The following EPHA3 variants were observed in gnomAD, a reference collection of about 807,000 sequenced individuals.
The protein encoded by EPHA3 is ephrin type-A receptor 3.
In EPHA3, 42 loss-of-function variants were observed where a neutral mutation model predicts 107.1. The ratio of observed to expected loss-of-function variants is 0.39; its 90% CI spans 0.31 to 0.51. The LOEUF (loss-of-function observed/expected upper bound fraction) is 0.51. Ranked by LOEUF, EPHA3 falls within the 20% of genes least tolerant of loss-of-function variation. The probability of loss-of-function intolerance (pLI) is 0.78; values close to 1 mark genes in which losing one functional copy is unlikely to be tolerated. For missense variants in EPHA3, 1,183 were observed against 1,211.2 expected (o/e 0.98, Z 0.35); for synonymous variants, 461 against 424.8 (o/e 1.09, Z -1.05).
chr3:89,343,399 T>C (rs1005057912), intron 5 of EPHA3, among the ~76,000 whole-genome samples: 4 of 152,206 alleles, frequency 2.6e-5, no homozygotes, highest in African/African-American at 9.7e-5. Context: ...GAAATGCCTC[T>C]CTACTGGTTA....
intron 2 of EPHA3, among the ~76,000 whole-genome samples, chr3:89,134,666 C>T (rs538040899): frequency 9.9e-5 from 15 of 152,000 alleles, no homozygotes; most frequent in South Asian, 2.1e-4. Flanking sequence ...TGAATAGTGC[C>T]GCAGCTTTCA....
intron 2 of EPHA3, among the ~76,000 whole-genome samples, chr3:89,190,455 A>C (rs910339387): frequency 9.2e-5 from 14 of 152,192 alleles, no homozygotes; most frequent in African/African-American, 3.4e-4. Flanking sequence ...TAAACATTTA[A>C]ATTTTGTATA....
intron 10 of EPHA3, among the ~76,000 whole-genome samples, chr3:89,418,370 T>C (rs1576368108): frequency 6.6e-6 from 1 of 151,336 alleles, no homozygotes; most frequent in Admixed American, 6.6e-5. Context: ...ATGTAAAGGG[T>C]ATCTGCTCTA....
At position 89,107,674 on chromosome 3, in the gene EPHA3, T is replaced by A; in HGVS notation, c.-75T>A. 1 of 1,362,774 alleles carries A rather than the reference T, an allele frequency of 7.3e-7. No homozygotes were observed. The highest frequency in any genetic ancestry group is 1.0e-6 in the Non-Finnish European group (1 of 958,562). The allele number at this position is 1,362,774 out of a possible 1,614,324, so 84.4% of individuals were successfully genotyped here. A position where few individuals can be genotyped will look rare whatever the true frequency, so the allele number is the denominator to read the frequency against. On this transcript the variant is annotated 5_prime_UTR_variant, in exon 1 of 17. Transcript: ENST00000336596. The stretch of plus-strand genomic sequence containing the variant: ...CGGAGCATGGTAACTTCTCCAGCAA[T>A]CAGAGCGCTCCCCCTCACATCAGTG...
At chr3:89,385,378 A>C (rs1193712644) in intron 5 of EPHA3, among the ~76,000 whole-genome samples, 1 of 152,204 alleles carries the variant, frequency 6.6e-6, no homozygotes, top group Non-Finnish European at 1.5e-5. Flanking sequence ...TAATTGAATC[A>C]TGGGGGCTGT....
chr3:89,138,281 G>T (rs1704357617), intron 2 of EPHA3, among the ~76,000 whole-genome samples: 1 of 151,878 alleles, frequency 6.6e-6, no homozygotes. Context: ...TTATTTCCAA[G>T]TCATCAAATT....
intron 2 of EPHA3, among the ~76,000 whole-genome samples, chr3:89,164,479 T>C (rs1378366845): frequency 6.6e-6 from 1 of 152,184 alleles, no homozygotes; most frequent in African/African-American, 2.4e-5. Flanking sequence ...AAGACATTTT[T>C]CAGACCTGTG....
intron 3 of EPHA3, among the ~76,000 whole-genome samples, chr3:89,256,801 A>G (rs946599277): frequency 2.0e-5 from 3 of 152,294 alleles, no homozygotes; most frequent in African/African-American, 7.2e-5. Context: ...GAAGAAATCC[A>G]TGGGTAACAT....
chr3:89,283,663 A>C (rs1484326333), intron 3 of EPHA3, among the ~76,000 whole-genome samples: 15 of 152,110 alleles, frequency 9.9e-5, no homozygotes, highest in Non-Finnish European at 1.5e-4. Flanking sequence ...ACCCACTTCT[A>C]TCCAGTTTTA....
chr3:89,207,066 A>C (rs1706122794), intron 2 of EPHA3, among the ~76,000 whole-genome samples: 1 of 152,286 alleles, frequency 6.6e-6, no homozygotes, highest in East Asian at 1.9e-4. Flanking sequence ...TTGTAAGTTA[A>C]TAGGTGAGCT....
intron 2 of EPHA3, among the ~76,000 whole-genome samples, chr3:89,167,408 C>T (rs1370561402): frequency 6.6e-6 from 1 of 151,596 alleles, no homozygotes; most frequent in Non-Finnish European, 1.5e-5. Context: ...CAAGATTTAG[C>T]ATGGGTAGGG....
chr3:89,372,829 G>A (rs1576342745), intron 5 of EPHA3, among the ~76,000 whole-genome samples: 1 of 151,578 alleles, frequency 6.6e-6, no homozygotes, highest in South Asian at 2.1e-4. Flanking sequence ...TCAAAGGAAG[G>A]TATGTTATCT....
At chr3:89,466,118 G>A (rs1373500153) in intron 15 of EPHA3, among the ~76,000 whole-genome samples, 1 of 22,306 alleles carries the variant, frequency 4.5e-5, no homozygotes, top group Middle Eastern at 9.1e-3. Context: ...CCCCTGCTGG[G>A]GGGTGCCTCC....
intron 3 of EPHA3, among the ~76,000 whole-genome samples, chr3:89,241,131 A>G (rs1350169262): frequency 1.3e-5 from 2 of 152,004 alleles, no homozygotes; most frequent in Non-Finnish European, 2.9e-5. Context: ...TAAACATTAA[A>G]AAAACACCAG....
chr3:89,280,296 G>T (rs1705910905), intron 3 of EPHA3, among the ~76,000 whole-genome samples: 1 of 152,090 alleles, frequency 6.6e-6, no homozygotes, highest in Non-Finnish European at 1.5e-5. Flanking sequence ...AAGTGAGTAG[G>T]TATAGACAGT....
At chr3:89,140,554 C>CA (rs1559749378) in intron 2 of EPHA3, among the ~76,000 whole-genome samples, 1 of 151,632 alleles carries the variant, frequency 6.6e-6, no homozygotes, top group Non-Finnish European at 1.5e-5. Context: ...TAAAACAGAA[C>CA]AAATGAGCTT....
chr3:89,118,365 T>C (rs1707303267), intron 1 of EPHA3, among the ~76,000 whole-genome samples: 1 of 151,962 alleles, frequency 6.6e-6, no homozygotes, highest in Non-Finnish European at 1.5e-5. Context: ...AAAATTTTTC[T>C]TATCTTTCAA....
At chr3:89,119,178 C>T (rs1411758384) in intron 1 of EPHA3, among the ~76,000 whole-genome samples, 1 of 152,058 alleles carries the variant, frequency 6.6e-6, no homozygotes, top group African/African-American at 2.4e-5. Flanking sequence ...TTGTTAAGCA[C>T]ATACCGAAGC....
At position 89,123,355 on chromosome 3, in the gene EPHA3, C is replaced by T. The variant is rs574069218; in HGVS notation, c.89-3854C>T. Among the ~76,000 whole-genome samples, 319 of 152,264 alleles carry T rather than the reference C, an allele frequency of 2.1e-3. 2 individuals carry two copies. Among genetic ancestry groups the T allele is most frequent in the Non-Finnish European group, 4.0e-3 (272 of 67,998 alleles). On this transcript the variant is annotated intron_variant, in intron 1 of 16. Transcript: ENST00000336596. ...ATGAGTTTTCGCCATGTTGGCCAGG[C>T]TGGTCTTGAACTCCTGACCTCTGGT...
Sources: gnomAD v4.1 joint callset for allele counts (sites outside exome capture counted in the v4.1 genomes callset) on GRCh38, gnomAD v4.1.1 for gene constraint, MANE v1.5 for transcripts, NCBI Gene and HGNC (gene_info 2026-07-23, HGNC 2026-07-21) for gene names.